The following FBH1 variants were observed in gnomAD, a reference collection of about 807,000 sequenced individuals.
FBH1 encodes the protein F-box DNA helicase 1.
Under a neutral mutation model 115.5 loss-of-function variants are expected in FBH1, and 43 were observed. The observed-to-expected ratio is 0.37, with a 90% CI of 0.29 to 0.48. The LOEUF is 0.48. FBH1 is among the 20% of genes least tolerant of loss of function. The probability of loss-of-function intolerance (pLI) is 0.99; values close to 1 mark genes in which losing one functional copy is unlikely to be tolerated. For missense variants in FBH1, 1,001 were observed against 1,337.3 expected, an observed-to-expected ratio of 0.75 and a Z score of 3.92; for synonymous variants, 524 against 507.8, an observed-to-expected ratio of 1.03 and a Z score of -0.43.
At position 5,914,276 on chromosome 10, in the gene FBH1, G is replaced by A. The variant is rs761638909; in HGVS notation, c.1396+7G>A. The A allele has an allele frequency of 1.9e-6, 3 of 1,613,756 alleles. No homozygotes were observed. The South Asian group carries it at 3.3e-5, about 18-fold the overall frequency. ...AAAATTATGGCCTTTGCCGGTAAGG[G>A]AGCCCACATCAGGTTCACGAGGTGG... On this transcript the variant is annotated splice_region_variant and intron_variant, in intron 8 of 20. Coordinates refer to ENST00000362091, the MANE Select transcript of FBH1 (RefSeq NM_178150.3). The surrounding 1 kb of genome is among the most constrained non-coding windows in gnomAD (Gnocchi z 5.2).
intron 10 of FBH1, 53 bp downstream of exon 10, chr10:5,916,509 G>T: frequency 6.4e-7 from 1 of 1,559,026 alleles, no homozygotes; most frequent in Non-Finnish European, 8.8e-7. Context: ...GGGAACAGGG[G>T]AAGTGTTAGG....
rs138047677 is a variant in FBH1, at chr10:5,898,780, C to T, written c.2-4240C>T. ...AGTGTGTGAATTTCAGGGACATGAA[C>T]GTTGAGTACATGGCACAGACTATAT... is the stretch of plus-strand genomic sequence containing the variant. On this transcript the variant is annotated intron_variant, in intron 1 of 20. Transcript: ENST00000362091. Among the ~76,000 whole-genome samples, 480 of 152,298 alleles carry T rather than the reference C, an allele frequency of 3.2e-3. 1 individual carries two copies. The highest frequency in any genetic ancestry group is 5.8e-3 in the Admixed American group (89 of 15,288).
chr10:5,892,060 C>T (rs1309215449), intron 1 of FBH1, among the ~76,000 whole-genome samples: 1 of 77,900 alleles, frequency 1.3e-5, no homozygotes, highest in East Asian at 3.8e-4. Context: ...TGTCCCGCAG[C>T]TCCTGTGATT....
At position 5,923,851 on chromosome 10, in the gene FBH1, C is replaced by T. The variant is rs1416671787; in HGVS notation, c.2398+155C>T. 1.5e-6 allele frequency: 1 copy of T among 659,664 alleles called. No homozygotes were observed. Among genetic ancestry groups the T allele is most frequent in the Admixed American group, 3.0e-5 (1 of 33,394 alleles). 40.9% of individuals were successfully genotyped at this position (659,664 alleles called of 1,614,324 possible). The stretch of plus-strand genomic sequence containing the variant: ...CCCATGACGAGGGGGGTGCCTCGGG[C>T]CTCCTGTTTTCATAGGTACTGACAG... On this transcript the variant is annotated intron_variant, in intron 16 of 20. Coordinates refer to ENST00000362091, the MANE Select transcript of FBH1 (RefSeq NM_178150.3). The surrounding 1 kb of genome is among the most constrained non-coding windows in gnomAD (Gnocchi z 5.7).
Position 5,936,952 on chromosome 10 carries a change from G to A in FBH1, c.2962-158G>A. The A allele has an allele frequency of 1.3e-6, 1 of 778,332 alleles. No individual in the cohort carries two copies. 48.2% of individuals were successfully genotyped at this position (778,332 alleles called of 1,614,324 possible). A position where few individuals can be genotyped will look rare whatever the true frequency, so the allele number is the denominator to read the frequency against. ...TTGAGGCCACCTAGTTGGTGGTGCT[G>A]TGGGAGGTGTTACTCTGAGGATGTG... On this transcript the variant is annotated intron_variant, in intron 20 of 20. Transcript: ENST00000362091. This position sits in a 1 kb window ranked among gnomAD's most constrained non-coding sequence, Gnocchi z 5.6.
At position 5,915,693 on chromosome 10, in the gene FBH1, T is replaced by C; in HGVS notation, c.1565+122T>C. 1 of 828,226 alleles carries C rather than the reference T, an allele frequency of 1.2e-6. No homozygotes were observed. The highest frequency in any genetic ancestry group is 1.9e-6 in the Non-Finnish European group (1 of 529,482). 51.3% of individuals were successfully genotyped at this position (828,226 alleles called of 1,614,324 possible). ...CCCCGAGGAGTGTAGTGCTGTTATC[T>C]CCACTTACAGGCAGGAAACAAATAC... On this transcript the variant is annotated intron_variant, in intron 9 of 20. Transcript: ENST00000362091. The surrounding 1 kb of genome is among the most constrained non-coding windows in gnomAD (Gnocchi z 5.2).
chr10:5,927,773 T>G (rs964650286), intron 19 of FBH1, among the ~76,000 whole-genome samples: 2 of 152,088 alleles, frequency 1.3e-5, no homozygotes, highest in Non-Finnish European at 2.9e-5. Flanking sequence ...AAAGCTCTGT[T>G]TAAGATACCA....
intron 19 of FBH1, chr10:5,934,460 C>G (rs970244544): frequency 2.0e-5 from 3 of 150,862 alleles, no homozygotes; most frequent in Admixed American, 6.6e-5. Flanking sequence ...TCACCGCAAC[C>G]TCCACCTCCC....
Position 5,932,738 on chromosome 10 carries a change from G to C in FBH1, c.2830-3718G>C, listed in dbSNP as rs145888676. Among the ~76,000 whole-genome samples the C allele has an allele frequency of 5.5e-4, 84 of 152,178 alleles. No individual in the cohort carries two copies. The East Asian group carries it at 0.015, about 28-fold the overall frequency. On this transcript the variant is annotated intron_variant, in intron 19 of 20. Transcript: ENST00000362091. The surrounding 1 kb of genome is among the most constrained non-coding windows in gnomAD (Gnocchi z 5.9). ...TTGTTTTGTTTTGTTTTGTTTTTGA[G>C]ACAAGGCCTGGCTCTGTCACCCAGG...
chr10:5,927,699 A>G (rs1000534557), intron 19 of FBH1, among the ~76,000 whole-genome samples, 158 bp downstream of exon 19: 2 of 152,154 alleles, frequency 1.3e-5, no homozygotes, highest in African/African-American at 4.8e-5. Flanking sequence ...CCAGTATAAG[A>G]AGTGTTCTAA....
chr10:5,894,463 C>T (rs370045624), intron 1 of FBH1: 123 of 1,421,676 alleles, frequency 8.7e-5, no homozygotes, highest in African/African-American at 1.8e-4. Context: ...TCAGGAGACC[C>T]GGGTTCTTGT....
At chr10:5,893,159 A>T (rs1564426569) in intron 1 of FBH1, among the ~76,000 whole-genome samples, 1 of 152,224 alleles carries the variant, frequency 6.6e-6, no homozygotes, top group Non-Finnish European at 1.5e-5. Context: ...ACAAAAAATT[A>T]GCTGGCTGTG....
At position 5,932,689 on chromosome 10, in the gene FBH1, A is replaced by G. The variant is rs1589120206; in HGVS notation, c.2830-3767A>G. ...CTAGAAGTGGAATTGCTGGGTAAAG[A>G]TAAATGCAAGTGTGACTTTTCTGTT... On this transcript the variant is annotated intron_variant, in intron 19 of 20. Transcript: ENST00000362091. This position sits in a 1 kb window ranked among gnomAD's most constrained non-coding sequence, Gnocchi z 5.9. 6.6e-6 allele frequency among the ~76,000 whole-genome samples: 1 copy of G among 152,172 alleles called. No homozygotes were observed.
Position 5,911,185 on chromosome 10 carries a change from A to G in FBH1, c.1211+57A>G, listed in dbSNP as rs2296138. ...GTGATAATGGGAGAGTCCCAGACAC[A>G]GCAGCAGGTCCAGCCCTGCCACTTA... is the stretch of plus-strand genomic sequence containing the variant. On this transcript the variant is annotated intron_variant, in intron 6 of 20. Transcript: ENST00000362091. This position sits in a 1 kb window ranked among gnomAD's most constrained non-coding sequence, Gnocchi z 5.4. The G allele has an allele frequency of 0.043, 65,531 of 1,527,780 alleles. 1,962 individuals are homozygous for G. The highest frequency in any genetic ancestry group is 0.13 in the East Asian group (5,489 of 43,680). The allele number at this position is 1,527,780 out of a possible 1,614,324, so 94.6% of individuals were successfully genotyped here.
In FBH1 at chr10:5,917,652, G is replaced by C; in HGVS notation, c.1939G>C (p.Asp647His). Residue 647 changes from aspartate (D) to histidine (H), a missense_variant, in exon 12 of 21, where the codon GAT becomes CAT. Physicochemically the swap from Asp to His is moderately conservative, Grantham distance 81 (BLOSUM62 -1). Coordinates refer to ENST00000362091, the MANE Select transcript of FBH1 (RefSeq NM_178150.3). The surrounding 1 kb of genome is among the most constrained non-coding windows in gnomAD (Gnocchi z 5.6). ...SLASFDAIFV[D>H]EAQDCTPAIM... is the part of the protein sequence containing the mutation. ...GGCCTCTTTTGACGCCATCTTTGTGGATGAGGCCCAGGACTGCACACCAGG... is the reference window on the plus strand; with the variant it reads ...GGCCTCTTTTGACGCCATCTTTGTGCATGAGGCCCAGGACTGCACACCAGG... 6.2e-7 allele frequency: 1 copy of C among 1,614,036 alleles called. No homozygotes were observed. The highest frequency in any genetic ancestry group is 2.2e-5 in the East Asian group (1 of 44,874).
intron 19 of FBH1, chr10:5,934,874 G>C (rs937103733): frequency 6.6e-6 from 1 of 152,282 alleles, no homozygotes; most frequent in African/African-American, 2.4e-5. Context: ...TAGAGACAGG[G>C]TTTCGCCATG....
At chr10:5,930,354 TC>T (rs1293702326) in intron 19 of FBH1, among the ~76,000 whole-genome samples, 4 of 152,218 alleles carry the variant, frequency 2.6e-5, no homozygotes, top group Admixed American at 6.5e-5. Context: ...CGGGACTCCC[TC>T]CCTGCTTTTC....
chr10:5,929,120 A>G (rs1832824946), intron 19 of FBH1, among the ~76,000 whole-genome samples: 1 of 152,232 alleles, frequency 6.6e-6, no homozygotes, highest in Non-Finnish European at 1.5e-5. Flanking sequence ...ACACTTGCCA[A>G]GCACCTTTCT....
At chr10:5,930,064 A>G (rs941058455) in intron 19 of FBH1, among the ~76,000 whole-genome samples, 1 of 152,128 alleles carries the variant, frequency 6.6e-6, no homozygotes. Context: ...TTGCTTATGA[A>G]AATTTTGAGA....
Sources: gnomAD v4.1 joint callset for allele counts (sites outside exome capture counted in the v4.1 genomes callset) on GRCh38, gnomAD v4.1.1 for gene constraint, Gnocchi (gnomAD v3.1) non-coding constraint, MANE v1.5 for transcripts, NCBI Gene and HGNC (gene_info 2026-07-23, HGNC 2026-07-21) for gene names.